Variants in STARD13 observed in about 807,000 individuals in gnomAD.
STARD13 encodes the protein stAR-related lipid transfer protein 13.
STARD13 carries 62 observed loss-of-function variants against 106.4 expected under a neutral mutation model. The observed-to-expected ratio is 0.58, with a 90% CI of 0.48 to 0.72. STARD13 has a LOEUF of 0.72. Ranked by LOEUF, STARD13 falls within the 30% of genes least tolerant of loss-of-function variation. The pLI is 0.00. For synonymous variants in STARD13, 565 were observed against 553.0 expected (o/e 1.02, Z -0.31); for missense variants, 1,387 against 1,424.0 (o/e 0.97, Z 0.42).
At chr13:33,655,107 T>C in the STARD13 span, among the ~76,000 whole-genome samples, 5 of 152,274 alleles carry the variant, frequency 3.3e-5, no homozygotes, top group African/African-American at 1.2e-4. Flanking sequence ...TTGTTTTAAT[T>C]GACTTTAATG....
chr13:33,131,593 A>C (rs554696837), intron 4 of STARD13, among the ~76,000 whole-genome samples: 1 of 152,346 alleles, frequency 6.6e-6, no homozygotes, highest in East Asian at 1.9e-4. Flanking sequence ...AAAAAAATAA[A>C]AAAGAGCAAG....
the STARD13 span, among the ~76,000 whole-genome samples, chr13:33,359,282 C>T: frequency 2.0e-5 from 3 of 152,068 alleles, no homozygotes; most frequent in Admixed American, 6.6e-5. Context: ...ACGAGCCCAC[C>T]GGGAGAAACG....
chr13:33,400,741 G>A, the STARD13 span, among the ~76,000 whole-genome samples: 6 of 152,196 alleles, frequency 3.9e-5, no homozygotes, highest in East Asian at 9.6e-4. Context: ...GGGATTACAG[G>A]CGTGAACCAC....
At chr13:33,639,081 G>A in the STARD13 span, among the ~76,000 whole-genome samples, 1 of 152,142 alleles carries the variant, frequency 6.6e-6, no homozygotes, top group East Asian at 1.9e-4. Flanking sequence ...CAAGTAGTTT[G>A]CAGCATAAGG....
chr13:33,641,291 C>T, the STARD13 span, among the ~76,000 whole-genome samples: 3 of 152,040 alleles, frequency 2.0e-5, no homozygotes, highest in East Asian at 1.9e-4. Flanking sequence ...ATGTTGTCAA[C>T]GCTGCTTTCA....
At chr13:33,185,786 T>A in intron 1 of STARD13, 2 of 1,285,926 alleles carry the variant, frequency 1.6e-6, no homozygotes, top group Non-Finnish European at 2.2e-6. Context: ...CCAGACCACC[T>A]GACCACTGCC....
chr13:33,217,581 G>A lies in STARD13; in HGVS notation c.170-49959C>T, dbSNP rs188893171. ...TTTCTCAGGTCAAGGAGGACCATGC[G>A]GCCTGGCCTTCTCCACTTAGCGCTG... On this transcript the variant is annotated intron_variant, in intron 1 of 13. Transcript: ENST00000336934. Among the ~76,000 whole-genome samples, 310 of 152,258 alleles carry A rather than the reference G, an allele frequency of 2.0e-3. 2 individuals are homozygous for A. Among genetic ancestry groups the A allele is most frequent in the African/African-American group, 7.1e-3 (295 of 41,556 alleles).
In STARD13 at chr13:33,129,215, C is replaced by T. The variant is rs267603807; in HGVS notation, c.1462G>A (p.Asp488Asn). The T allele has an allele frequency of 6.2e-7, 1 of 1,614,152 alleles. No homozygotes were observed. Among genetic ancestry groups the T allele is most frequent in the African/African-American group, 1.3e-5 (1 of 75,038 alleles). The change falls in exon 5 of 14, where the codon GAC becomes AAC. Residue 488 changes from aspartate (D) to asparagine (N), a missense_variant. Transcript: ENST00000336934. ...EKDDLFPHLDDILQHVNGLQE... is the reference protein window; with the variant it reads ...EKDDLFPHLDNILQHVNGLQE... ...AGCCCATTGACATGCTGCAGAATGT[C>T]ATCCAAGTGAGGGAAAAGGTCATCT...
Position 33,106,916 on chromosome 13 carries a change from C to T in STARD13, c.3066G>A (p.Leu1022=). 6.2e-7 allele frequency: 1 copy of T among 1,612,974 alleles called. No homozygotes were observed. Among genetic ancestry groups the T allele is most frequent in the Non-Finnish European group, 8.5e-7 (1 of 1,179,406 alleles). The change falls in exon 13 of 14, where the codon TTG becomes TTA. Residue 1022 remains leucine (L), a synonymous_variant. Transcript: ENST00000336934. ...ACACCAGGGTACACATTCCTTTGGG[C>T]AAATCAGTTTTCCAGGTCCTGTAGC... The part of the protein sequence containing the change: ...FVVLRTWKTD[L]PKGMCTLVSL...
At chr13:33,645,956 C>T in the STARD13 span, among the ~76,000 whole-genome samples, 1 of 152,054 alleles carries the variant, frequency 6.6e-6, no homozygotes, top group East Asian at 1.9e-4. Context: ...GACATTTTAG[C>T]TGGAGAATAT....
the STARD13 span, among the ~76,000 whole-genome samples, chr13:33,559,638 A>C: frequency 4.2e-4 from 64 of 151,498 alleles, 3 homozygotes; most frequent in African/African-American, 1.5e-3. Flanking sequence ...GGCAGATCAC[A>C]AGGTCAGGAG....
Position 33,314,633 on chromosome 13 carries a change from A to T in STARD13, c.124+35657T>A, listed in dbSNP as rs538377643. ...AGTGAATGAAACCAATGTCTCATTT[A>T]ATTCTTATAACAACCAATAACACAA... On this transcript the variant is annotated intron_variant, in intron 1 of 5. Coordinates refer to the STARD13 transcript ENST00000567873. Among the ~76,000 whole-genome samples the T allele has an allele frequency of 9.8e-5, 15 of 152,308 alleles. No individual in the cohort carries two copies. The South Asian group carries it at 2.7e-3, about 27-fold the overall frequency.
intron 1 of STARD13, among the ~76,000 whole-genome samples, chr13:33,279,232 C>T (rs1167145530): frequency 6.6e-6 from 1 of 152,122 alleles, no homozygotes. Context: ...CATTTGTTCT[C>T]TTTTTAAATC....
the STARD13 span, among the ~76,000 whole-genome samples, chr13:33,520,909 T>A: frequency 6.6e-6 from 1 of 152,128 alleles, no homozygotes; most frequent in Non-Finnish European, 1.5e-5. Flanking sequence ...TCCCCCACAC[T>A]AGGTCTCAAC....
At chr13:33,266,510 A>G (rs186875448) in intron 1 of STARD13, among the ~76,000 whole-genome samples, 115 of 152,296 alleles carry the variant, frequency 7.6e-4, no homozygotes, top group African/African-American at 2.7e-3. Context: ...TTTTTTGCCA[A>G]CCTTATCATC....
intron 12 of STARD13, among the ~76,000 whole-genome samples, chr13:33,109,162 A>G (rs564996564): frequency 6.6e-6 from 1 of 152,340 alleles, no homozygotes; most frequent in South Asian, 2.1e-4. Flanking sequence ...TTCAATAAAA[A>G]AGGATATATT....
chr13:33,541,172 G>GA, the STARD13 span, among the ~76,000 whole-genome samples: 8 of 146,898 alleles, frequency 5.4e-5, no homozygotes, highest in Middle Eastern at 3.5e-3. Flanking sequence ...TGGGAAAGTC[G>GA]AAAAAAAAAA....
chr13:33,297,713 C>CAGA (rs1892551432), intron 1 of STARD13, among the ~76,000 whole-genome samples: 1 of 152,050 alleles, frequency 6.6e-6, no homozygotes, highest in Non-Finnish European at 1.5e-5. Flanking sequence ...CTTAAATCTC[C>CAGA]ATTTTTAAAA....
intron 1 of STARD13, among the ~76,000 whole-genome samples, chr13:33,322,495 A>G (rs1327671035): frequency 1.3e-5 from 2 of 152,252 alleles, no homozygotes; most frequent in Non-Finnish European, 2.9e-5. Flanking sequence ...TTTTGCAAGT[A>G]GGAAAGGCAT....
Sources: allele counts gnomAD v4.1 joint callset (sites outside exome capture counted in the v4.1 genomes callset), GRCh38; gene constraint gnomAD v4.1.1; transcripts MANE v1.5; gene names NCBI Gene and HGNC (gene_info 2026-07-23, HGNC 2026-07-21).